Variants in CSMD1 observed in about 807,000 individuals in gnomAD.
The protein encoded by CSMD1 is CUB and sushi domain-containing protein 1.
Under a neutral mutation model 417.5 loss-of-function variants are expected in CSMD1, and 213 were observed. That is an observed-to-expected ratio of 0.51 (90% confidence interval 0.46 to 0.57). The LOEUF (loss-of-function observed/expected upper bound fraction) is 0.57, where lower values mean the gene tolerates loss of function less well. Among genes scored for constraint, CSMD1 ranks in the 20% least tolerant of loss-of-function variants. CSMD1 has a pLI of 0.00. For missense variants in CSMD1, 6,923 were observed against 4,529.7 expected (o/e 1.53, Z -15.17); for synonymous variants, 2,862 against 1,736.8 (o/e 1.65, Z -16.11).
chr8:4,679,854 A>G (rs1216410171), intron 1 of CSMD1, among the ~76,000 whole-genome samples: 1 of 152,156 alleles, frequency 6.6e-6, no homozygotes, highest in East Asian at 1.9e-4. Context: ...AATATGTAAA[A>G]TATATACAAT....
At chr8:4,731,435 A>G (rs1377871799) in intron 1 of CSMD1, among the ~76,000 whole-genome samples, 1 of 152,224 alleles carries the variant, frequency 6.6e-6, no homozygotes, top group African/African-American at 2.4e-5. Context: ...TATCTTGGTC[A>G]TTTATAATTT....
chr8:3,596,831 C>G (rs552367404), intron 8 of CSMD1, among the ~76,000 whole-genome samples: 2 of 152,102 alleles, frequency 1.3e-5, no homozygotes, highest in Non-Finnish European at 2.9e-5. Context: ...CACATGAGAT[C>G]CAAAAGCATG....
chr8:3,059,250 A>AT (rs1384787521), intron 49 of CSMD1, among the ~76,000 whole-genome samples: 11 of 110,328 alleles, frequency 1.0e-4, no homozygotes, highest in African/African-American at 3.5e-4. Flanking sequence ...CACCCCAGAC[A>AT]TCAAAAAAAA....
At chr8:3,967,504 G>T (rs1034452456) in intron 5 of CSMD1, among the ~76,000 whole-genome samples, 3 of 151,998 alleles carry the variant, frequency 2.0e-5, no homozygotes, top group African/African-American at 7.2e-5. Flanking sequence ...ATGTGTTGCG[G>T]ACTTGGATGG....
At chr8:2,963,502 A>C in intron 59 of CSMD1, 107 bp from the exon 60 acceptor site, 1 of 1,086,318 alleles carries the variant, frequency 9.2e-7, no homozygotes, top group East Asian at 2.4e-5. Context: ...TGACATCTAC[A>C]TAGGTTTTTA....
intron 1 of CSMD1, among the ~76,000 whole-genome samples, chr8:4,865,921 A>G (rs945705547): frequency 6.6e-6 from 1 of 151,926 alleles, no homozygotes; most frequent in Non-Finnish European, 1.5e-5. Context: ...AGGAGCTTTC[A>G]TCTTCCTGTG....
At chr8:4,117,340 A>T (rs1363485630) in intron 3 of CSMD1, among the ~76,000 whole-genome samples, 1 of 150,946 alleles carries the variant, frequency 6.6e-6, no homozygotes, top group African/African-American at 2.4e-5. Context: ...CTGTACCAAC[A>T]CTGTCATCGC....
chr8:4,560,885 C>T (rs958794949), intron 2 of CSMD1, among the ~76,000 whole-genome samples: 1 of 152,180 alleles, frequency 6.6e-6, no homozygotes, highest in African/African-American at 2.4e-5. Context: ...AGTGGTGTCT[C>T]TTCCTCCTAG....
At chr8:4,739,986 T>C (rs897146669) in intron 1 of CSMD1, among the ~76,000 whole-genome samples, 3 of 152,138 alleles carry the variant, frequency 2.0e-5, no homozygotes, top group African/African-American at 7.2e-5. Flanking sequence ...GCCAGCCGCC[T>C]GCCCAGGCAT....
chr8:3,689,157 T>C (rs189468531), intron 7 of CSMD1, among the ~76,000 whole-genome samples: 5 of 152,266 alleles, frequency 3.3e-5, no homozygotes, highest in African/African-American at 1.2e-4. Flanking sequence ...GACAACGCGC[T>C]CTAAGGTTGG....
chr8:3,663,660 T>C (rs1798535849), intron 7 of CSMD1, among the ~76,000 whole-genome samples: 1 of 152,182 alleles, frequency 6.6e-6, no homozygotes, highest in Non-Finnish European at 1.5e-5. Context: ...TGCAATCATT[T>C]GCCTCTTTTC....
At chr8:4,292,886 A>C (rs1478675062) in intron 3 of CSMD1, among the ~76,000 whole-genome samples, 2 of 152,184 alleles carry the variant, frequency 1.3e-5, no homozygotes, top group Non-Finnish European at 2.9e-5. Context: ...GGCTTTTTGT[A>C]AAGAGATAAT....
chr8:3,590,035 A>G (rs1206901126), intron 8 of CSMD1, among the ~76,000 whole-genome samples: 1 of 152,168 alleles, frequency 6.6e-6, no homozygotes, highest in African/African-American at 2.4e-5. Context: ...TTTTGGATAT[A>G]TTTGAAAGAA....
chr8:4,624,959 C>T (rs1802013484), intron 2 of CSMD1, among the ~76,000 whole-genome samples: 1 of 152,120 alleles, frequency 6.6e-6, no homozygotes. Context: ...CATAACATAA[C>T]TCTTTGAATG....
At chr8:3,635,766 A>C (rs1410231101) in intron 7 of CSMD1, among the ~76,000 whole-genome samples, 1 of 145,756 alleles carries the variant, frequency 6.9e-6, no homozygotes, top group African/African-American at 2.6e-5. Flanking sequence ...TACAGGTATG[A>C]ACCTCTGCGC....
chr8:4,729,969 G>A (rs868402996), intron 1 of CSMD1, among the ~76,000 whole-genome samples: 3 of 152,164 alleles, frequency 2.0e-5, no homozygotes, highest in South Asian at 2.1e-4. Flanking sequence ...CCTAAACACG[G>A]GACAAATCAC....
intron 8 of CSMD1, among the ~76,000 whole-genome samples, chr8:3,598,626 C>T (rs1801206465): frequency 6.6e-6 from 1 of 152,100 alleles, no homozygotes; most frequent in Non-Finnish European, 1.5e-5. Context: ...GAGCTCAGTA[C>T]AGTTCCTGAG....
chr8:3,624,735 ACT>A (rs1196564896), intron 7 of CSMD1, among the ~76,000 whole-genome samples: 2 of 152,136 alleles, frequency 1.3e-5, no homozygotes, highest in African/African-American at 4.8e-5. Context: ...TTTGAGGGAC[ACT>A]CTAGACTTCA....
chr8:3,754,108 C>T, intron 5 of CSMD1, 66 bp from the exon 6 acceptor site: 1 of 1,001,790 alleles, frequency 1.0e-6, no homozygotes, highest in South Asian at 1.4e-5. Context: ...CTATATCAAA[C>T]CCGCTTTGAA....
Sources: gnomAD v4.1 joint callset for allele counts (sites outside exome capture counted in the v4.1 genomes callset) on GRCh38, gnomAD v4.1.1 for gene constraint, MANE v1.5 for transcripts, NCBI Gene and HGNC (gene_info 2026-07-23, HGNC 2026-07-21) for gene names.